The following IFI30 variants were observed in gnomAD, a reference collection of about 807,000 sequenced individuals.
IFI30 encodes the protein IFI30 lysosomal thiol reductase.
In IFI30, 26 loss-of-function variants were observed where a neutral mutation model predicts 30.1. The ratio of observed to expected loss-of-function variants is 0.87; its 90% CI spans 0.63 to 1.20. The LOEUF (loss-of-function observed/expected upper bound fraction) is 1.20, where lower values mean the gene tolerates loss of function less well. Among genes scored for constraint, IFI30 ranks in the 50% most tolerant of loss-of-function variants. The probability of loss-of-function intolerance (pLI) is 0.00; values close to 1 mark genes in which losing one functional copy is unlikely to be tolerated. For missense variants in IFI30, 296 were observed against 312.5 expected, an observed-to-expected ratio of 0.95 and a Z score of 0.40; for synonymous variants, 149 against 134.5, an observed-to-expected ratio of 1.11 and a Z score of -0.75.
In IFI30 at chr19:18,175,106, T is replaced by C. The variant is rs1000028829; in HGVS notation, c.199T>C (p.Tyr67His). The change falls in exon 2 of 7, where the codon TAC (tyrosine) becomes CAC (histidine). Residue 67 changes from tyrosine to histidine, a missense_variant. Coordinates refer to ENST00000407280, the MANE Select transcript of IFI30 (RefSeq NM_006332.5). ...TGCACCGCTTGTCAATGTGACCCTC[T>C]ACTATGAAGCACTGTGCGGTGGCTG... The part of the protein sequence containing the change: ...SNAPLVNVTL[Y>H]YEALCGGCRA... 1 of 1,613,736 alleles carries C rather than the reference T, an allele frequency of 6.2e-7. No homozygotes were observed. Among genetic ancestry groups the C allele is most frequent in the East Asian group, 2.2e-5 (1 of 44,876 alleles).
intron 5 of IFI30, 199 bp from the exon 6 acceptor site, chr19:18,177,512 T>G (rs6512247): frequency 0.22 from 164,042 of 761,392 alleles, 18,785 homozygotes; most frequent in African/African-American, 0.29. Flanking sequence ...TAGGAGTCCA[T>G]CAGGCAAAAA....
At position 18,177,866 on chromosome 19, in the gene IFI30, C is replaced by T. The variant is rs753515072; in HGVS notation, c.708C>T (p.Val236=). The T allele has an allele frequency of 3.1e-6, 5 of 1,598,770 alleles. No homozygotes were observed. Among genetic ancestry groups the T allele is most frequent in the Non-Finnish European group, 4.3e-6 (5 of 1,172,620 alleles). Residue 236 remains valine (V), a synonymous_variant, in exon 7 of 7, where the codon GTC becomes GTT. Transcript: ENST00000407280. ...ACCTCCAGGGCAAGAAGCCGGATGT[C>T]TGCCCTTCCTCAACCAGCTCCCTCA... ...CQLYQGKKPD[V]CPSSTSSLRS...
chr19:18,177,155 G>A lies in IFI30; in HGVS notation c.499G>A (p.Ala167Thr), dbSNP rs1419781396. ...ACCCACCCAGTGCCTGCAGCTCTAC[G>A]CCCCAGGGCTGTCGCCAGACACTAT... ...RSLPLCLQLY[A>T]PGLSPDTIME... Residue 167 changes from alanine to threonine, a missense_variant, in exon 5 of 7, where the codon GCC (alanine) becomes ACC (threonine). Physicochemically the swap from Ala to Thr is moderately conservative, Grantham distance 58 (BLOSUM62 0). Transcript: ENST00000407280. 14 of 1,552,160 alleles carry A rather than the reference G, an allele frequency of 9.0e-6. No homozygotes were observed. Among genetic ancestry groups the A allele is most frequent in the East Asian group, 2.4e-5 (1 of 41,628 alleles).
intron 3 of IFI30, 89 bp from the exon 4 acceptor site, chr19:18,175,516 C>G (rs1197516515): frequency 7.2e-7 from 1 of 1,396,030 alleles, no homozygotes; most frequent in Non-Finnish European, 1.0e-6. Flanking sequence ...TCCCTATCTC[C>G]TGGGTGGGTA....
intron 4 of IFI30, 27 bp downstream of exon 4, chr19:18,175,724 A>G: frequency 6.5e-7 from 1 of 1,549,576 alleles, no homozygotes. Context: ...ACTCCACCCA[A>G]GGAGGGGGAC....
At position 18,175,843 on chromosome 19, in the gene IFI30, A is replaced by AT. The variant is rs1967263881; in HGVS notation, c.483+153dup. The AT allele has an allele frequency of 7.1e-6, 4 of 561,936 alleles. No individual in the cohort carries two copies. The South Asian group carries it at 7.2e-5, about 10-fold the overall frequency. 34.8% of individuals were successfully genotyped at this position (561,936 alleles called of 1,614,324 possible). A position where few individuals can be genotyped will look rare whatever the true frequency, so the allele number is the denominator to read the frequency against. On this transcript the variant is annotated intron_variant, in intron 4 of 6. Coordinates refer to ENST00000407280, the MANE Select transcript of IFI30 (RefSeq NM_006332.5). ...ACAACTACCCTTCTTTATTTTATTT[A>AT]TTTTTTTATTTTTTCTTGAGACAGA... is the stretch of plus-strand genomic sequence containing the variant.
At position 18,175,401 on chromosome 19, in the gene IFI30, G is replaced by GC. The variant is rs770506274; in HGVS notation, c.390+20dup. Reference sequence around the variant, plus strand: ...CAAGGTGGAGGTGAGCGGCCCCAGGGCCCCACACTGGGGTGGGGGAAAACT... The same window carrying GC: ...CAAGGTGGAGGTGAGCGGCCCCAGGGCCCCCACACTGGGGTGGGGGAAAACT... On this transcript the variant is annotated intron_variant, in intron 3 of 6. Transcript: ENST00000407280. 1.0e-5 allele frequency: 16 copies of GC among 1,576,128 alleles called. No homozygotes were observed. The South Asian group carries it at 1.9e-4, about 18-fold the overall frequency.
intron 1 of IFI30, 150 bp from the exon 2 acceptor site, chr19:18,174,890 A>G (rs1307825998): frequency 2.5e-5 from 15 of 610,558 alleles, no homozygotes; most frequent in Admixed American, 3.3e-5. Context: ...AAAAAGTCTC[A>G]AAGTCAAGAT....
chr19:18,176,433 CCA>C lies in IFI30; in HGVS notation c.484-705_484-704del, dbSNP rs1200660559. On this transcript the variant is annotated intron_variant, in intron 4 of 6. Transcript: ENST00000407280. ...CCTCCCAAAGGATTACAGGTGTAAG[CCA>C]CCACGCCCGGCCCCAGCCTCCCCTC... Among the ~76,000 whole-genome samples the C allele has an allele frequency of 5.3e-5, 8 of 152,056 alleles. No individual in the cohort carries two copies. In the East Asian group the frequency reaches 1.3e-3, roughly 26 times the overall value.
chr19:18,176,141 CTTTTTTTTTTTTTTTTT>C (rs71336666), intron 4 of IFI30, among the ~76,000 whole-genome samples: 3 of 56,450 alleles, frequency 5.3e-5, no homozygotes, highest in African/African-American at 2.3e-4. Flanking sequence ...GCACCCAGCC[CTTTTTTTTTTTTTTTTT>C]TTTTTTTTTT....
Position 18,175,623 on chromosome 19 carries a change from C to T in IFI30, c.409C>T (p.Leu137Phe), listed in dbSNP as rs867891145. ...NKVEACVLDELDMELAFLTIV... is the reference protein window; with the variant it reads ...NKVEACVLDEFDMELAFLTIV... ...ACCCCAGGCCTGCGTGTTGGATGAACTTGACATGGAGCTAGCCTTCCTGAC... is the reference window on the plus strand; with the variant it reads ...ACCCCAGGCCTGCGTGTTGGATGAATTTGACATGGAGCTAGCCTTCCTGAC... The change falls in exon 4 of 7, where the codon CTT (leucine) becomes TTT (phenylalanine). Residue 137 changes from leucine (L) to phenylalanine (F), a missense_variant. Leu to Phe is a conservative substitution (Grantham distance 22, BLOSUM62 0). Coordinates refer to ENST00000407280, the MANE Select transcript of IFI30 (RefSeq NM_006332.5). 6.2e-7 allele frequency: 1 copy of T among 1,610,218 alleles called. No individual in the cohort carries two copies. Among genetic ancestry groups the T allele is most frequent in the Non-Finnish European group, 8.5e-7 (1 of 1,178,276 alleles).
intron 2 of IFI30, 25 bp downstream of exon 2, chr19:18,175,247 G>A (rs1170732573): frequency 2.5e-6 from 4 of 1,575,506 alleles, no homozygotes; most frequent in East Asian, 2.3e-5. Flanking sequence ...GGGAAACTGA[G>A]GCACGTGGGC....
chr19:18,176,561 T>C lies in IFI30; in HGVS notation c.484-579T>C, dbSNP rs962830861. Reference sequence around the variant, plus strand: ...GGAGGAGGCATTTCTGAGCTGGGCATGGAAGGATGAGCAGGAATGTGCAGA... The same window carrying C: ...GGAGGAGGCATTTCTGAGCTGGGCACGGAAGGATGAGCAGGAATGTGCAGA... On this transcript the variant is annotated intron_variant, in intron 4 of 6. Transcript: ENST00000407280. Among the ~76,000 whole-genome samples the C allele has an allele frequency of 2.0e-5, 3 of 152,064 alleles. No individual in the cohort carries two copies. The East Asian group carries it at 5.8e-4, about 29-fold the overall frequency.
At position 18,177,468 on chromosome 19, in the gene IFI30, A is replaced by G. The variant is rs1967286723; in HGVS notation, c.636+176A>G. 3 of 816,684 alleles carry G rather than the reference A, an allele frequency of 3.7e-6. No homozygotes were observed. In the South Asian group the frequency reaches 5.3e-5, roughly 14 times the overall value. The allele number at this position is 816,684 out of a possible 1,614,324, so 50.6% of individuals were successfully genotyped here. A position where few individuals can be genotyped will look rare whatever the true frequency, so the allele number is the denominator to read the frequency against. The stretch of plus-strand genomic sequence containing the variant: ...AAACTTGATAGCTTTGCATAGGGAA[A>G]GAGGGCATTGATGCTGGGGTTTTGA... On this transcript the variant is annotated intron_variant, in intron 5 of 6. Coordinates refer to ENST00000407280, the MANE Select transcript of IFI30 (RefSeq NM_006332.5).
Position 18,175,052 on chromosome 19 carries a change from T to C in IFI30, c.145T>C (p.Tyr49His). ...TCCTAATCCACAGACAGGCAATCTA[T>C]ACCTGCGGGGGCCCCTGAAGAAGTC... is the stretch of plus-strand genomic sequence containing the variant. ...PPVNYKTGNL[Y>H]LRGPLKKSNA... Residue 49 changes from tyrosine to histidine, a missense_variant, in exon 2 of 7, where the codon TAC becomes CAC. Physicochemically the swap from Tyr to His is moderately conservative, Grantham distance 83. Transcript: ENST00000407280. The C allele has an allele frequency of 2.5e-6, 4 of 1,613,646 alleles. No individual in the cohort carries two copies. The highest frequency in any genetic ancestry group is 3.4e-6 in the Non-Finnish European group (4 of 1,179,712).
In IFI30 at chr19:18,175,830, CTTTAT is replaced by C. The variant is rs1054244591; in HGVS notation, c.483+141_483+145del. The C allele has an allele frequency of 2.1e-4, 127 of 601,770 alleles. 1 individual carries two copies. The highest frequency in any genetic ancestry group is 8.9e-5 in the Admixed American group (3 of 33,580). 37.3% of individuals were successfully genotyped at this position (601,770 alleles called of 1,614,324 possible). On this transcript the variant is annotated intron_variant, in intron 4 of 6. Transcript: ENST00000407280. The stretch of plus-strand genomic sequence containing the variant: ...GCAGCCCAGGAAAACAACTACCCTT[CTTTAT>C]TTTATTTATTTTTTTATTTTTTCTT...
In IFI30 at chr19:18,175,605, G is replaced by C; in HGVS notation, c.391G>C (p.Ala131Pro). ...CTCCTGCCCCCTCTCCAAACCCCAG[G>C]CCTGCGTGTTGGATGAACTTGACAT... ...EEECKFNKVE[A>P]CVLDELDMEL... Residue 131 changes from alanine (A) to proline (P), a missense_variant and splice_region_variant, in exon 4 of 7, where the codon GCC (alanine) becomes CCC (proline). Ala to Pro is a conservative substitution (Grantham distance 27, BLOSUM62 -1). Coordinates refer to ENST00000407280, the MANE Select transcript of IFI30 (RefSeq NM_006332.5). 4 of 1,607,010 alleles carry C rather than the reference G, an allele frequency of 2.5e-6. No homozygotes were observed. The highest frequency in any genetic ancestry group is 1.3e-5 in the African/African-American group (1 of 74,914).
Position 18,175,616 on chromosome 19 carries a change from G to C in IFI30, c.402G>C (p.Leu134Phe). Residue 134 changes from leucine (L) to phenylalanine (F), a missense_variant, in exon 4 of 7, where the codon TTG becomes TTC. Leu to Phe is a conservative substitution (Grantham distance 22, BLOSUM62 0). Transcript: ENST00000407280. ...CKFNKVEACV[L>F]DELDMELAFL... Reference sequence around the variant, plus strand: ...TCTCCAAACCCCAGGCCTGCGTGTTGGATGAACTTGACATGGAGCTAGCCT... The same window carrying C: ...TCTCCAAACCCCAGGCCTGCGTGTTCGATGAACTTGACATGGAGCTAGCCT... 2 of 1,609,360 alleles carry C rather than the reference G, an allele frequency of 1.2e-6. No individual in the cohort carries two copies. Among genetic ancestry groups the C allele is most frequent in the Non-Finnish European group, 1.7e-6 (2 of 1,177,914 alleles).
chr19:18,175,904 G>T (rs999074451), intron 4 of IFI30, among the ~76,000 whole-genome samples: 5 of 151,970 alleles, frequency 3.3e-5, no homozygotes, highest in African/African-American at 1.2e-4. Flanking sequence ...ATGCAGTGGC[G>T]CAATCCCAGC....
Sources: gnomAD v4.1 joint callset for allele counts (sites outside exome capture counted in the v4.1 genomes callset) on GRCh38, gnomAD v4.1.1 for gene constraint, MANE v1.5 for transcripts, NCBI Gene and HGNC (gene_info 2026-07-23, HGNC 2026-07-21) for gene names.